Variants in KCNA6 observed in about 807,000 individuals in gnomAD.
KCNA6 encodes the protein human brain potassium channel-2.
A neutral mutation model predicts 29.5 loss-of-function variants in KCNA6; 17 were observed. The ratio of observed to expected loss-of-function variants is 0.58; its 90% CI spans 0.39 to 0.86. The LOEUF (loss-of-function observed/expected upper bound fraction) is 0.86. Among genes scored for constraint, KCNA6 ranks in the 40% least tolerant of loss-of-function variants. The pLI, the probability that KCNA6 is intolerant of heterozygous loss-of-function variation, is 0.00. For missense variants in KCNA6, 450 were observed against 703.4 expected, an observed-to-expected ratio of 0.64 and a Z score of 4.07; for synonymous variants, 296 against 304.7, an observed-to-expected ratio of 0.97 and a Z score of 0.30.
the KCNA6 span, chr12:4,842,503 A>G: frequency 6.5e-6 from 1 of 153,094 alleles, no homozygotes; most frequent in Non-Finnish European, 1.5e-5. Flanking sequence ...AAGAGGTTTA[A>G]TTGACTCACT....
the KCNA6 span, among the ~76,000 whole-genome samples, chr12:4,824,768 C>T: frequency 6.6e-6 from 1 of 152,184 alleles, no homozygotes; most frequent in African/African-American, 2.4e-5. Flanking sequence ...TGCGTAAGGT[C>T]AACACTTTTC....
the KCNA6 span, among the ~76,000 whole-genome samples, chr12:4,843,280 A>C: frequency 1.3e-5 from 2 of 151,138 alleles, no homozygotes; most frequent in African/African-American, 4.9e-5. Flanking sequence ...TCCCGGGTTC[A>C]CACCATTCTC....
the KCNA6 span, among the ~76,000 whole-genome samples, chr12:4,825,483 A>G: frequency 6.6e-6 from 1 of 152,204 alleles, no homozygotes; most frequent in African/African-American, 2.4e-5. Context: ...ACATACCCCC[A>G]AAACTCATCC....
chr12:4,811,242 G>C lies in KCNA6; in HGVS notation c.1201G>C (p.Asp401His), dbSNP rs1946627547. Reference sequence around the variant, plus strand: ...TGCCGTCTACTTCGCAGAGGCTGACGATGACGATTCGCTTTTTCCCAGCAT... The same window carrying C: ...TGCCGTCTACTTCGCAGAGGCTGACCATGACGATTCGCTTTTTCCCAGCAT... The change falls in exon 1 of 1, where the codon GAT (aspartate) becomes CAT (histidine). Residue 401 changes from aspartate to histidine, a missense_variant. Physicochemically the swap from Asp to His is moderately conservative, Grantham distance 81. Coordinates refer to ENST00000280684, the Ensembl canonical transcript of KCNA6. This position sits in a 1 kb window ranked among gnomAD's most constrained non-coding sequence, Gnocchi z 7.1. 1 of 1,614,108 alleles carries C rather than the reference G, an allele frequency of 6.2e-7. No individual in the cohort carries two copies. Among genetic ancestry groups the C allele is most frequent in the African/African-American group, 1.3e-5 (1 of 74,942 alleles).
the KCNA6 span, among the ~76,000 whole-genome samples, chr12:4,831,388 C>T: frequency 6.6e-6 from 1 of 152,272 alleles, no homozygotes; most frequent in Admixed American, 6.5e-5. Context: ...CTGCTTGACC[C>T]CGTCCTGCTG....
the KCNA6 span, among the ~76,000 whole-genome samples, chr12:4,830,125 G>A: frequency 6.6e-6 from 1 of 152,172 alleles, no homozygotes; most frequent in Non-Finnish European, 1.5e-5. Flanking sequence ...TTCCTGCTCA[G>A]AGGGCCTCTC....
the KCNA6 span, among the ~76,000 whole-genome samples, chr12:4,831,013 C>T: frequency 6.6e-6 from 1 of 152,216 alleles, no homozygotes; most frequent in Non-Finnish European, 1.5e-5. Flanking sequence ...GGGGAGTCAG[C>T]AGGGTCCTCA....
the KCNA6 span, chr12:4,850,872 G>C: frequency 6.8e-6 from 3 of 441,736 alleles, no homozygotes; most frequent in South Asian, 4.8e-5. The surrounding 1 kb of genome is among the most constrained non-coding windows in gnomAD (Gnocchi z 5.4). Context: ...CACCGCTCTG[G>C]AGGCCTCCCA....
the KCNA6 span, among the ~76,000 whole-genome samples, chr12:4,838,482 C>G: frequency 6.6e-6 from 1 of 152,160 alleles, no homozygotes; most frequent in Non-Finnish European, 1.5e-5. Context: ...TTCTTGACCT[C>G]TTATTGCTTT....
At chr12:4,829,164 C>T in the KCNA6 span, among the ~76,000 whole-genome samples, 1 of 152,088 alleles carries the variant, frequency 6.6e-6, no homozygotes, top group Non-Finnish European at 1.5e-5. Context: ...TCCTTTTTAT[C>T]TTAAGGTTCC....
chr12:4,838,621 A>G, the KCNA6 span, among the ~76,000 whole-genome samples: 1 of 152,234 alleles, frequency 6.6e-6, no homozygotes, highest in Non-Finnish European at 1.5e-5. Context: ...CACATAACCT[A>G]TCTGCCATAA....
the KCNA6 span, among the ~76,000 whole-genome samples, chr12:4,842,044 TGTGTG>T: frequency 4.7e-4 from 70 of 150,458 alleles, no homozygotes; most frequent in African/African-American, 1.7e-3. Flanking sequence ...TGTGTGTGTG[TGTGTG>T]TGTGTGTGTG....
rs1220762558 is a variant in KCNA6, at chr12:4,810,626, C to G, written c.585C>G (p.Thr195=). Residue 195 remains threonine (T), a synonymous_variant, in exon 1 of 1, where the codon ACC becomes ACG. Transcript: ENST00000280684. This position sits in a 1 kb window ranked among gnomAD's most constrained non-coding sequence, Gnocchi z 7.5. Reference sequence around the variant, plus strand: ...CCATAGTCATCTTTTGCCTGGAGACCTTACCCCAGTTCCGTGTAGATGGTC... The same window carrying G: ...CCATAGTCATCTTTTGCCTGGAGACGTTACCCCAGTTCCGTGTAGATGGTC... The G allele has an allele frequency of 2.5e-6, 4 of 1,614,172 alleles. No homozygotes were observed. The highest frequency in any genetic ancestry group is 1.6e-4 in the Middle Eastern group (1 of 6,062).
At position 4,811,689 on chromosome 12, in the gene KCNA6, C is replaced by T. The variant is rs1946633716; in HGVS notation, c.*58C>T. On this transcript the variant is annotated 3_prime_UTR_variant, in exon 1 of 1. Coordinates refer to ENST00000280684, the Ensembl canonical transcript of KCNA6. This position sits in a 1 kb window ranked among gnomAD's most constrained non-coding sequence, Gnocchi z 7.1. ...CTGAGCTAACAGTCTCTTAGGCTTC[C>T]TTCTCATTTCCACTACTCACTCTAG... 5 of 1,547,266 alleles carry T rather than the reference C, an allele frequency of 3.2e-6. No individual in the cohort carries two copies. Among genetic ancestry groups the T allele is most frequent in the Non-Finnish European group, 4.4e-6 (5 of 1,144,082 alleles).
chr12:4,848,989 G>C, the KCNA6 span, among the ~76,000 whole-genome samples: 2 of 150,390 alleles, frequency 1.3e-5, no homozygotes, highest in Admixed American at 6.6e-5. Context: ...GTGTGGTAGC[G>C]GGCGCCTGTA....
At chr12:4,840,712 T>C in the KCNA6 span, among the ~76,000 whole-genome samples, 238 of 152,338 alleles carry the variant, frequency 1.6e-3, 2 homozygotes, top group African/African-American at 5.7e-3. Context: ...AGAAGGATGG[T>C]TCAGATTCTG....
the KCNA6 span, among the ~76,000 whole-genome samples, chr12:4,842,943 G>A: frequency 6.6e-6 from 1 of 152,138 alleles, no homozygotes; most frequent in Non-Finnish European, 1.5e-5. Flanking sequence ...GGTGGGACTA[G>A]GGCAATGGTG....
chr12:4,827,244 C>CT, the KCNA6 span, among the ~76,000 whole-genome samples: 280 of 115,670 alleles, frequency 2.4e-3, no homozygotes, highest in African/African-American at 8.7e-3. Flanking sequence ...TCCTTCCTTC[C>CT]CTCCTTCCTT....
At chr12:4,829,832 AT>A in the KCNA6 span, among the ~76,000 whole-genome samples, 4 of 152,214 alleles carry the variant, frequency 2.6e-5, no homozygotes, top group Non-Finnish European at 5.9e-5. Flanking sequence ...CTCTTTCACC[AT>A]TGAACATCGT....
Sources: gnomAD v4.1 joint callset for allele counts (sites outside exome capture counted in the v4.1 genomes callset) on GRCh38, gnomAD v4.1.1 for gene constraint, Gnocchi (gnomAD v3.1) non-coding constraint, MANE v1.5 for transcripts, NCBI Gene and HGNC (gene_info 2026-07-23, HGNC 2026-07-21) for gene names.